The following CBLN2 variants were observed in gnomAD, a reference collection of about 807,000 sequenced individuals.
CBLN2 encodes the protein cerebellin-2.
Under a neutral mutation model 15.0 loss-of-function variants are expected in CBLN2, and 7 were observed. That is an observed-to-expected ratio of 0.47 (90% CI 0.27 to 0.88). The LOEUF is 0.88. Ranked by LOEUF, CBLN2 falls within the 40% of genes least tolerant of loss-of-function variation. The pLI, the probability that CBLN2 is intolerant of heterozygous loss-of-function variation, is 0.14. For missense variants in CBLN2, 242 were observed against 304.5 expected (o/e 0.79, Z 1.53); for synonymous variants, 149 against 135.2 (o/e 1.10, Z -0.71).
At position 72,543,118 on chromosome 18, in the gene CBLN2, A is replaced by T. The variant is rs187535069; in HGVS notation, c.-167+368T>A. 5.2e-5 allele frequency: 10 copies of T among 190,638 alleles called. No homozygotes were observed. The South Asian group carries it at 7.8e-4, about 15-fold the overall frequency. The allele number at this position is 190,638 out of a possible 1,614,324, so 11.8% of individuals were successfully genotyped here. Reference sequence around the variant, plus strand: ...CAGCTCTGGTTTCCAGACCACGGGGATTCTCTCTTTCTCAGCGGGGCGGCA... The same window carrying T: ...CAGCTCTGGTTTCCAGACCACGGGGTTTCTCTCTTTCTCAGCGGGGCGGCA... On this transcript the variant is annotated intron_variant, in intron 2 of 4. Transcript: ENST00000269503. The surrounding 1 kb of genome is among the most constrained non-coding windows in gnomAD (Gnocchi z 6.8).
chr18:72,633,803 T>G (rs1174378487), intron 1 of CBLN2, among the ~76,000 whole-genome samples: 1 of 152,278 alleles, frequency 6.6e-6, no homozygotes, highest in East Asian at 1.9e-4. Context: ...GACCTCTTCT[T>G]TACTTCGAAA....
At position 72,603,374 on chromosome 18, in the gene CBLN2, C is replaced by T. The variant is rs189456994; in HGVS notation, c.15+34951G>A. On this transcript the variant is annotated intron_variant, in intron 1 of 2. Coordinates refer to the CBLN2 transcript ENST00000581073. Reference sequence around the variant, plus strand: ...GTTTTAATTCAATAAGTGAAAGCTGCGGGTCCCTTTTTTTTCTCCTAACAA... The same window carrying T: ...GTTTTAATTCAATAAGTGAAAGCTGTGGGTCCCTTTTTTTTCTCCTAACAA... Among the ~76,000 whole-genome samples the T allele has an allele frequency of 1.6e-4, 24 of 150,904 alleles. No homozygotes were observed. In the East Asian group the frequency reaches 4.4e-3, roughly 27 times the overall value.
At chr18:72,559,839 A>G (rs1194891120) in intron 1 of CBLN2, among the ~76,000 whole-genome samples, 1 of 152,230 alleles carries the variant, frequency 6.6e-6, no homozygotes, top group Non-Finnish European at 1.5e-5. Flanking sequence ...GGTTTCTGAA[A>G]TCAAATGAAG....
intron 1 of CBLN2, chr18:72,620,152 T>C (rs998080443): frequency 6.6e-6 from 1 of 152,346 alleles, no homozygotes; most frequent in East Asian, 1.9e-4. Context: ...CTGTCATCCA[T>C]CCATGGACAG....
intron 1 of CBLN2, among the ~76,000 whole-genome samples, chr18:72,609,296 G>T (rs987189773): frequency 3.9e-5 from 6 of 152,064 alleles, no homozygotes; most frequent in Admixed American, 3.9e-4. Context: ...ATTATAAATA[G>T]GGTCTTTAAA....
At chr18:72,606,662 C>T (rs77043355) in intron 1 of CBLN2, among the ~76,000 whole-genome samples, 2 of 152,144 alleles carry the variant, frequency 1.3e-5, no homozygotes, top group Non-Finnish European at 2.9e-5. Context: ...ATAGAAGAGG[C>T]TTAGCTGCTT....
chr18:72,556,475 T>G (rs368560599), intron 1 of CBLN2, among the ~76,000 whole-genome samples: 1 of 152,086 alleles, frequency 6.6e-6, no homozygotes, highest in African/African-American at 2.4e-5. Context: ...AAAACACAGA[T>G]AGAAAGAAAG....
chr18:72,554,156 ATTC>A (rs1166236651), intron 1 of CBLN2, among the ~76,000 whole-genome samples: 2 of 152,168 alleles, frequency 1.3e-5, no homozygotes, highest in African/African-American at 4.8e-5. Context: ...TTATAAGATT[ATTC>A]TTATTTGCTG....
intron 1 of CBLN2, among the ~76,000 whole-genome samples, chr18:72,595,934 T>C (rs1462051040): frequency 6.6e-6 from 1 of 152,162 alleles, no homozygotes; most frequent in Non-Finnish European, 1.5e-5. Flanking sequence ...AGTGTGTTCC[T>C]TGTAGGCGAC....
chr18:72,627,321 T>A (rs115722841), intron 1 of CBLN2, among the ~76,000 whole-genome samples: 683 of 152,202 alleles, frequency 4.5e-3, no homozygotes, highest in Non-Finnish European at 7.2e-3. Context: ...ATTCGAGGAG[T>A]TTCTTTAAAA....
intron 3 of CBLN2, chr18:72,538,978 T>A: frequency 1.9e-6 from 1 of 530,834 alleles, no homozygotes; most frequent in Non-Finnish European, 3.3e-6. Flanking sequence ...AAAGGTATTT[T>A]AATAAATTGT....
intron 1 of CBLN2, among the ~76,000 whole-genome samples, chr18:72,570,754 G>A (rs1229005045): frequency 6.6e-6 from 1 of 152,110 alleles, no homozygotes; most frequent in African/African-American, 2.4e-5. Context: ...TGCAGAAAAG[G>A]AGATAGGTTT....
At chr18:72,611,916 A>T (rs944304052) in intron 1 of CBLN2, among the ~76,000 whole-genome samples, 1 of 152,136 alleles carries the variant, frequency 6.6e-6, no homozygotes, top group Non-Finnish European at 1.5e-5. Flanking sequence ...TAACTTTGGG[A>T]TATGGTGAGA....
intron 1 of CBLN2, among the ~76,000 whole-genome samples, chr18:72,553,493 TA>T (rs1281337640): frequency 4.9e-5 from 7 of 142,520 alleles, no homozygotes; most frequent in Admixed American, 2.3e-4. Flanking sequence ...GATAGATAGA[TA>T]GATAGATATG....
At chr18:72,600,760 G>A (rs1451582582) in intron 1 of CBLN2, among the ~76,000 whole-genome samples, 3 of 152,210 alleles carry the variant, frequency 2.0e-5, no homozygotes, top group African/African-American at 4.8e-5. Flanking sequence ...AGGCTTGGAG[G>A]TTAGGGTTTT....
intron 1 of CBLN2, among the ~76,000 whole-genome samples, chr18:72,572,926 T>C (rs1315548272): frequency 2.0e-5 from 3 of 152,306 alleles, no homozygotes; most frequent in Non-Finnish European, 2.9e-5. Flanking sequence ...GCAATTTGTA[T>C]TGATAATTAT....
At chr18:72,618,823 G>A in intron 1 of CBLN2, 3 of 737,044 alleles carry the variant, frequency 4.1e-6, no homozygotes, top group South Asian at 2.7e-5. Flanking sequence ...GCAAGAGATG[G>A]CGAGTGCTTC....
intron 1 of CBLN2, among the ~76,000 whole-genome samples, chr18:72,632,014 A>C (rs1164151492): frequency 6.6e-6 from 1 of 152,030 alleles, no homozygotes; most frequent in African/African-American, 2.4e-5. Context: ...TTATCCTCTT[A>C]CCTCAATCCA....
intron 1 of CBLN2, among the ~76,000 whole-genome samples, chr18:72,608,925 T>C (rs1034356163): frequency 4.6e-5 from 7 of 152,290 alleles, no homozygotes; most frequent in African/African-American, 1.7e-4. Flanking sequence ...GGAACTCCCA[T>C]TTATAAAACC....
Sources: allele counts gnomAD v4.1 joint callset (sites outside exome capture counted in the v4.1 genomes callset), GRCh38; gene constraint gnomAD v4.1.1; non-coding constraint Gnocchi (gnomAD v3.1); transcripts MANE v1.5; gene names NCBI Gene and HGNC (gene_info 2026-07-23, HGNC 2026-07-21).